GRM3: variants seen among roughly 807,000 people sequenced by gnomAD.
GRM3 encodes the protein metabotropic glutamate receptor 3.
A neutral mutation model predicts 70.5 loss-of-function variants in GRM3; 26 were observed. That is an observed-to-expected ratio of 0.37 (90% CI 0.27 to 0.51). GRM3 has a LOEUF of 0.51. Among genes scored for constraint, GRM3 ranks in the 20% least tolerant of loss-of-function variants. The probability of loss-of-function intolerance (pLI) is 0.93; values close to 1 mark genes in which losing one functional copy is unlikely to be tolerated. For synonymous variants in GRM3, 443 were observed against 434.9 expected, an observed-to-expected ratio of 1.02 and a Z score of -0.23; for missense variants, 859 against 1,123.8, an observed-to-expected ratio of 0.76 and a Z score of 3.37.
At chr7:86,834,412 T>C (rs1798414534) in intron 3 of GRM3, among the ~76,000 whole-genome samples, 1 of 152,152 alleles carries the variant, frequency 6.6e-6, no homozygotes, top group South Asian at 2.1e-4. Flanking sequence ...TTTCAGTCTT[T>C]ATGTTAATTC....
At chr7:86,762,442 T>G (rs940937483) in intron 1 of GRM3, among the ~76,000 whole-genome samples, 2 of 152,070 alleles carry the variant, frequency 1.3e-5, no homozygotes, top group African/African-American at 4.8e-5. Flanking sequence ...AATCTGTGTT[T>G]TAAAGGGCAC....
At position 86,644,660 on chromosome 7, in the gene GRM3, AG is replaced by A; in HGVS notation, c.-348del. The stretch of plus-strand genomic sequence containing the variant: ...CGTGCAGCCGGGAGGGGGCAGGGGC[AG>A]GGGGCACTGTGACAGGAAGCTGCGC... On this transcript the variant is annotated 5_prime_UTR_variant, in exon 1 of 6. The change creates a premature stop within an existing upstream ORF in the 5' untranslated region. Transcript: ENST00000361669. 1 of 550,354 alleles carries A rather than the reference AG, an allele frequency of 1.8e-6. No individual in the cohort carries two copies. The highest frequency in any genetic ancestry group is 3.2e-6 in the Non-Finnish European group (1 of 313,088). 34.1% of individuals were successfully genotyped at this position (550,354 alleles called of 1,614,324 possible). A position where few individuals can be genotyped will look rare whatever the true frequency, so the allele number is the denominator to read the frequency against.
intron 2 of GRM3, among the ~76,000 whole-genome samples, chr7:86,774,107 A>T (rs573574453): frequency 2.9e-4 from 44 of 152,230 alleles, no homozygotes; most frequent in Middle Eastern, 3.4e-3. Flanking sequence ...GATTAAACCT[A>T]TGATATTTTG....
intron 3 of GRM3, among the ~76,000 whole-genome samples, chr7:86,837,274 G>C (rs976260283): frequency 6.6e-6 from 1 of 152,146 alleles, no homozygotes; most frequent in African/African-American, 2.4e-5. Flanking sequence ...AAGAGCCCAA[G>C]TAATTCATTG....
intron 3 of GRM3, among the ~76,000 whole-genome samples, chr7:86,828,471 G>A (rs545252359): frequency 5.8e-4 from 88 of 152,218 alleles, no homozygotes; most frequent in African/African-American, 2.0e-3. Context: ...CAAAATTCAC[G>A]ATAAAGCAAG....
At chr7:86,769,002 TA>T (rs1015067650) in intron 2 of GRM3, among the ~76,000 whole-genome samples, 38 of 152,272 alleles carry the variant, frequency 2.5e-4, no homozygotes, top group African/African-American at 8.9e-4. Flanking sequence ...ATAAGAATTC[TA>T]AAAAATATAG....
intron 3 of GRM3, among the ~76,000 whole-genome samples, chr7:86,826,010 T>A (rs1798226102): frequency 6.6e-6 from 1 of 152,174 alleles, no homozygotes; most frequent in Non-Finnish European, 1.5e-5. Context: ...TATGCCTTTT[T>A]AAAAAAGTCA....
intron 1 of GRM3, among the ~76,000 whole-genome samples, chr7:86,679,478 T>G (rs1184161601): frequency 6.6e-6 from 1 of 152,032 alleles, no homozygotes; most frequent in African/African-American, 2.4e-5. Flanking sequence ...CACACTGAGT[T>G]ATTCAGAGGA....
chr7:86,694,404 C>T (rs1304337795), intron 1 of GRM3, among the ~76,000 whole-genome samples: 3 of 148,350 alleles, frequency 2.0e-5, no homozygotes, highest in African/African-American at 7.4e-5. Context: ...CCCAGCTACT[C>T]GGGAGGCTGA....
intron 1 of GRM3, among the ~76,000 whole-genome samples, chr7:86,661,511 G>T (rs1393957052): frequency 6.6e-6 from 1 of 151,910 alleles, no homozygotes; most frequent in Admixed American, 6.6e-5. Flanking sequence ...ACTTATTAAT[G>T]ATCCTGTGCT....
At chr7:86,670,324 G>A (rs1384752296) in intron 1 of GRM3, among the ~76,000 whole-genome samples, 1 of 152,144 alleles carries the variant, frequency 6.6e-6, no homozygotes, top group African/African-American at 2.4e-5. Flanking sequence ...TACTCATGTG[G>A]CTCCATCTAT....
rs544613032 is a variant in GRM3 at position 86,795,569 on chromosome 7, T to C, written c.1324+8453T>C. Among the ~76,000 whole-genome samples the C allele has an allele frequency of 2.0e-5, 3 of 152,236 alleles. No individual in the cohort carries two copies. In the East Asian group the frequency reaches 5.8e-4, roughly 29 times the overall value. On this transcript the variant is annotated intron_variant, in intron 3 of 5. Coordinates refer to ENST00000361669, the MANE Select transcript of GRM3 (RefSeq NM_000840.3). ...TCCTGTGTTAGTTTGCTGAGGACAA[T>C]GGCTTTCATGTCCATGCAAAGGACA...
chr7:86,695,094 C>A (rs1794784474), intron 1 of GRM3, among the ~76,000 whole-genome samples: 1 of 152,158 alleles, frequency 6.6e-6, no homozygotes, highest in Non-Finnish European at 1.5e-5. Flanking sequence ...ATAAAGGAGT[C>A]CATAAATGTA....
chr7:86,809,990 A>T (rs938210062), intron 3 of GRM3, among the ~76,000 whole-genome samples: 1 of 152,088 alleles, frequency 6.6e-6, no homozygotes, highest in African/African-American at 2.4e-5. Flanking sequence ...CTCAAGGAAG[A>T]CCTCATGACA....
intron 1 of GRM3, among the ~76,000 whole-genome samples, chr7:86,707,230 G>A (rs1795080826): frequency 6.6e-6 from 1 of 151,958 alleles, no homozygotes; most frequent in South Asian, 2.1e-4. Flanking sequence ...AGATTTTTGT[G>A]ATATATATTA....
chr7:86,826,322 T>G (rs1029764075), intron 3 of GRM3, among the ~76,000 whole-genome samples: 1 of 152,220 alleles, frequency 6.6e-6, no homozygotes, highest in Admixed American at 6.5e-5. Context: ...GTGAGTTAGC[T>G]CTAGAAGACT....
chr7:86,761,735 A>G (rs1796485070), intron 1 of GRM3, among the ~76,000 whole-genome samples: 1 of 152,102 alleles, frequency 6.6e-6, no homozygotes, highest in Non-Finnish European at 1.5e-5. Flanking sequence ...TTTTGTTCAT[A>G]TAATTTTTAT....
chr7:86,707,581 C>T (rs1795088996), intron 1 of GRM3, among the ~76,000 whole-genome samples: 1 of 152,002 alleles, frequency 6.6e-6, no homozygotes, highest in African/African-American at 2.4e-5. Context: ...CATATATGTA[C>T]TCCTGTCAGG....
chr7:86,799,089 C>G (rs778417378), intron 3 of GRM3, among the ~76,000 whole-genome samples: 6 of 152,022 alleles, frequency 3.9e-5, no homozygotes, highest in Non-Finnish European at 7.4e-5. Flanking sequence ...AGCTGTATTC[C>G]TAGGTATTTT....
Sources: allele counts gnomAD v4.1 joint callset (sites outside exome capture counted in the v4.1 genomes callset), GRCh38; gene constraint gnomAD v4.1.1; transcripts MANE v1.5; gene names NCBI Gene and HGNC (gene_info 2026-07-23, HGNC 2026-07-21).